NPR3: variants seen among roughly 807,000 people sequenced by gnomAD.
NPR3 encodes atrial natriuretic peptide receptor 3.
Under a neutral mutation model 54.5 loss-of-function variants are expected in NPR3, and 34 were observed. The ratio of observed to expected loss-of-function variants is 0.62; its 90% CI spans 0.47 to 0.83. NPR3 has a LOEUF of 0.83. NPR3 is among the 40% of genes least tolerant of loss of function. The probability of loss-of-function intolerance (pLI) is 0.00; values close to 1 mark genes in which losing one functional copy is unlikely to be tolerated. For missense variants in NPR3, 674 were observed against 720.8 expected, an observed-to-expected ratio of 0.94 and a Z score of 0.74; for synonymous variants, 289 against 297.1, an observed-to-expected ratio of 0.97 and a Z score of 0.28.
intron 3 of NPR3, among the ~76,000 whole-genome samples, chr5:32,762,979 T>C (rs1437833852): frequency 6.6e-6 from 1 of 152,206 alleles, no homozygotes; most frequent in Admixed American, 6.5e-5. Flanking sequence ...TACATTTAAG[T>C]CTTTAATCCA....
intron 3 of NPR3, among the ~76,000 whole-genome samples, chr5:32,764,332 G>C (rs1000003665): frequency 6.6e-6 from 1 of 152,004 alleles, no homozygotes; most frequent in Non-Finnish European, 1.5e-5. Context: ...CCTTCTGCTT[G>C]AGTGCCAGCT....
chr5:32,773,001 G>A (rs1416742398), intron 3 of NPR3, among the ~76,000 whole-genome samples: 1 of 152,082 alleles, frequency 6.6e-6, no homozygotes, highest in Non-Finnish European at 1.5e-5. Context: ...GCTAGGGGTG[G>A]GATAAGGTTA....
intron 3 of NPR3, among the ~76,000 whole-genome samples, chr5:32,745,484 A>C (rs1740248656): frequency 6.6e-6 from 1 of 152,142 alleles, no homozygotes; most frequent in Non-Finnish European, 1.5e-5. Flanking sequence ...TGGTTTTAGA[A>C]TGCACTGTGT....
chr5:32,710,128 G>C (rs572608383), upstream of NPR3: 1 of 152,144 alleles, frequency 6.6e-6, no homozygotes, highest in East Asian at 1.9e-4. Context: ...GGACTCCCGC[G>C]ATGCTCCTCT....
At chr5:32,719,923 G>A (rs1488659647) in intron 1 of NPR3, among the ~76,000 whole-genome samples, 1 of 151,880 alleles carries the variant, frequency 6.6e-6, no homozygotes, top group African/African-American at 2.4e-5. Context: ...TCCATGCAGT[G>A]ATATCCCTCT....
At chr5:32,712,816 A>G (rs1026545832) in intron 1 of NPR3, among the ~76,000 whole-genome samples, 3 of 152,204 alleles carry the variant, frequency 2.0e-5, no homozygotes, top group Non-Finnish European at 4.4e-5. Context: ...GTGCTGTCAA[A>G]CACTTCGATG....
intron 3 of NPR3, among the ~76,000 whole-genome samples, chr5:32,746,428 G>A (rs1740304645): frequency 6.6e-6 from 1 of 152,108 alleles, no homozygotes; most frequent in South Asian, 2.1e-4. Context: ...CATTCACCCA[G>A]TTACTGTCCT....
At chr5:32,700,347 G>T (rs1740635848) in intron 1 of NPR3, among the ~76,000 whole-genome samples, 1 of 151,380 alleles carries the variant, frequency 6.6e-6, no homozygotes, top group African/African-American at 2.4e-5. Flanking sequence ...CCCCTCTAAG[G>T]CTATTTTCTA....
intron 4 of NPR3, among the ~76,000 whole-genome samples, chr5:32,777,097 A>G (rs1742092134): frequency 6.6e-6 from 1 of 152,216 alleles, no homozygotes; most frequent in Non-Finnish European, 1.5e-5. Context: ...GATAGGTGCC[A>G]AAGCCCGAGA....
At chr5:32,696,685 G>C (rs578178976) in intron 1 of NPR3, among the ~76,000 whole-genome samples, 2 of 151,938 alleles carry the variant, frequency 1.3e-5, no homozygotes, top group Admixed American at 6.5e-5. Context: ...TTTCATCAGC[G>C]TTTCATAGTT....
At chr5:32,734,934 G>T (rs184888928) in intron 2 of NPR3, among the ~76,000 whole-genome samples, 1 of 152,252 alleles carries the variant, frequency 6.6e-6, no homozygotes, top group East Asian at 1.9e-4. Context: ...CATTCTTCTG[G>T]TTCTCTGTTA....
At chr5:32,692,869 C>T (rs1442417785) in intron 1 of NPR3, among the ~76,000 whole-genome samples, 1 of 152,098 alleles carries the variant, frequency 6.6e-6, no homozygotes, top group Non-Finnish European at 1.5e-5. Flanking sequence ...GCCGGTAATC[C>T]TAGCACTTTG....
intron 3 of NPR3, among the ~76,000 whole-genome samples, chr5:32,765,080 T>A (rs1293311102): frequency 6.6e-6 from 1 of 152,190 alleles, no homozygotes; most frequent in Non-Finnish European, 1.5e-5. Flanking sequence ...ATTCCCTGGC[T>A]GAGAAGCATA....
intron 2 of NPR3, among the ~76,000 whole-genome samples, chr5:32,729,731 A>G (rs984892863): frequency 6.6e-6 from 1 of 152,224 alleles, no homozygotes; most frequent in Non-Finnish European, 1.5e-5. Flanking sequence ...GATTCTATCT[A>G]AGTATAGAAA....
At chr5:32,693,063 A>G (rs1740435076) in intron 1 of NPR3, among the ~76,000 whole-genome samples, 1 of 152,132 alleles carries the variant, frequency 6.6e-6, no homozygotes, top group Non-Finnish European at 1.5e-5. Context: ...TTGAGGCTGC[A>G]GTGAGCGGTG....
At chr5:32,717,383 G>A (rs1474538111) in intron 1 of NPR3, among the ~76,000 whole-genome samples, 1 of 152,130 alleles carries the variant, frequency 6.6e-6, no homozygotes, top group Non-Finnish European at 1.5e-5. Flanking sequence ...TGGGATTGCT[G>A]GGTCAAATGA....
intron 5 of NPR3, 70 bp from the exon 6 acceptor site, chr5:32,782,823 G>A (rs1742406528): frequency 1.4e-6 from 2 of 1,447,630 alleles, no homozygotes; most frequent in Non-Finnish European, 1.9e-6. Flanking sequence ...GGGAATAGCT[G>A]TGGAAGGCTG....
intron 3 of NPR3, among the ~76,000 whole-genome samples, chr5:32,772,025 T>G (rs1470845437): frequency 6.6e-6 from 1 of 152,218 alleles, no homozygotes; most frequent in Non-Finnish European, 1.5e-5. Flanking sequence ...TTCATCAGCA[T>G]GAAGACTTTC....
At chr5:32,750,608 G>T (rs1740526754) in intron 3 of NPR3, among the ~76,000 whole-genome samples, 1 of 152,162 alleles carries the variant, frequency 6.6e-6, no homozygotes, top group Non-Finnish European at 1.5e-5. Flanking sequence ...TTCAAAGATG[G>T]TGGTGCCATT....
Sources: allele counts gnomAD v4.1 joint callset (sites outside exome capture counted in the v4.1 genomes callset), GRCh38; gene constraint gnomAD v4.1.1; transcripts MANE v1.5; gene names NCBI Gene and HGNC (gene_info 2026-07-23, HGNC 2026-07-21).